Variants in SMURF1 observed in about 807,000 individuals in gnomAD.
The protein encoded by SMURF1 is SMAD specific E3 ubiquitin protein ligase 1, also known as E3 ubiquitin-protein ligase SMURF1.
Under a neutral mutation model 98.0 loss-of-function variants are expected in SMURF1, and 44 were observed. That is an observed-to-expected ratio of 0.45 (90% CI 0.35 to 0.58). The LOEUF (loss-of-function observed/expected upper bound fraction) is 0.58. Among genes scored for constraint, SMURF1 ranks in the 20% least tolerant of loss-of-function variants. SMURF1 has a pLI of 0.00. For synonymous variants in SMURF1, 396 were observed against 374.9 expected, an observed-to-expected ratio of 1.06 and a Z score of -0.65; for missense variants, 687 against 938.4, an observed-to-expected ratio of 0.73 and a Z score of 3.50.
intron 1 of SMURF1, among the ~76,000 whole-genome samples, chr7:99,098,872 A>G (rs1041249414): frequency 6.6e-6 from 1 of 152,186 alleles, no homozygotes; most frequent in Non-Finnish European, 1.5e-5. Context: ...AACAACATTT[A>G]ATAAGCGCTT....
intron 1 of SMURF1, chr7:99,120,591 C>T (rs1201432725): frequency 6.6e-6 from 1 of 151,420 alleles, no homozygotes; most frequent in Non-Finnish European, 1.5e-5. Context: ...AGAGCCAGTC[C>T]TTCCTGCCCT....
At chr7:99,055,607 C>CT (rs1429452602) in intron 5 of SMURF1, among the ~76,000 whole-genome samples, 1 of 152,166 alleles carries the variant, frequency 6.6e-6, no homozygotes, top group African/African-American at 2.4e-5. Context: ...AGTAGCTAGA[C>CT]TACAGGCATG....
At chr7:99,097,685 T>C (rs879631151) in intron 1 of SMURF1, among the ~76,000 whole-genome samples, 2 of 152,172 alleles carry the variant, frequency 1.3e-5, no homozygotes, top group Non-Finnish European at 2.9e-5. Context: ...TATTGTGTTA[T>C]AGCAACACAA....
intron 11 of SMURF1, among the ~76,000 whole-genome samples, chr7:99,042,499 T>C (rs1795424744): frequency 6.6e-6 from 1 of 152,206 alleles, no homozygotes; most frequent in Admixed American, 6.5e-5. Context: ...GGCCTCGAAC[T>C]CCTGACCTCA....
At chr7:99,120,498 TCTCTC>T (rs375533090) in intron 1 of SMURF1, 5 of 149,426 alleles carry the variant, frequency 3.3e-5, no homozygotes, top group African/African-American at 1.2e-4. Context: ...CACCAAATCC[TCTCTC>T]CTGAGTTTTA....
intron 1 of SMURF1, among the ~76,000 whole-genome samples, chr7:99,104,948 T>C (rs1180341213): frequency 6.6e-6 from 1 of 152,234 alleles, no homozygotes; most frequent in Non-Finnish European, 1.5e-5. Context: ...CTGGCTCTTC[T>C]AGGCGCTCCT....
At chr7:99,044,001 TATG>T (rs1795485148) in intron 11 of SMURF1, among the ~76,000 whole-genome samples, 1 of 152,056 alleles carries the variant, frequency 6.6e-6, no homozygotes, top group Non-Finnish European at 1.5e-5. Context: ...TGTCAGAAGG[TATG>T]ATGTGTAACC....
intron 1 of SMURF1, among the ~76,000 whole-genome samples, chr7:99,065,929 G>A (rs907689371): frequency 2.6e-5 from 4 of 151,894 alleles, no homozygotes; most frequent in African/African-American, 9.7e-5. Flanking sequence ...GCCTGTAGTC[G>A]CAGCTACTTG....
chr7:99,110,619 G>A (rs947155467), intron 1 of SMURF1, among the ~76,000 whole-genome samples: 15 of 152,208 alleles, frequency 9.9e-5, no homozygotes, highest in Admixed American at 9.8e-4. Context: ...AAACAGACTG[G>A]AACAAATGCA....
chr7:99,067,940 C>T (rs545267386), intron 1 of SMURF1, among the ~76,000 whole-genome samples: 21 of 152,246 alleles, frequency 1.4e-4, no homozygotes, highest in Non-Finnish European at 2.5e-4. Context: ...GGCGACAGAA[C>T]GAGACTATCC....
chr7:99,033,326 T>A (rs1052686241), intron 16 of SMURF1, among the ~76,000 whole-genome samples: 2 of 152,154 alleles, frequency 1.3e-5, no homozygotes, highest in African/African-American at 2.4e-5. Flanking sequence ...CAGACACTTT[T>A]TTGAGACAGG....
chr7:99,035,120 C>T (rs1409763924), intron 16 of SMURF1, among the ~76,000 whole-genome samples: 4 of 152,220 alleles, frequency 2.6e-5, no homozygotes, highest in South Asian at 2.1e-4. Context: ...GGTGGCTAAA[C>T]GGGTTCATGT....
chr7:99,071,490 ACTCT>A (rs1343853071), intron 1 of SMURF1, among the ~76,000 whole-genome samples: 1 of 152,054 alleles, frequency 6.6e-6, no homozygotes, highest in African/African-American at 2.4e-5. Flanking sequence ...ACTGGGGATC[ACTCT>A]CTATTTTTTA....
At chr7:99,092,096 A>G (rs1796826489) in intron 1 of SMURF1, among the ~76,000 whole-genome samples, 2 of 152,198 alleles carry the variant, frequency 1.3e-5, no homozygotes, top group African/African-American at 4.8e-5. Context: ...TTTCAGGGTT[A>G]TTGCGAGCAA....
In SMURF1 at chr7:99,030,617, G is replaced by A. The variant is rs760407571; in HGVS notation, c.2163C>T (p.Ala721=). 1.9e-5 allele frequency: 31 copies of A among 1,614,054 alleles called. No homozygotes were observed. The highest frequency in any genetic ancestry group is 4.5e-5 in the East Asian group (2 of 44,884). The change falls in exon 18 of 18, where the codon GCC becomes GCT. Residue 721 remains alanine (A), a synonymous_variant. Transcript: ENST00000361368. The stretch of plus-strand genomic sequence containing the variant: ...CAGCAAACCCGCAGGTCTCCTCCAC[G>A]GCTGTCAGCAGCTTCTCGTAGAGCT... The part of the protein sequence containing the change: ...YEKLYEKLLT[A]VEETCGFAVE
intron 1 of SMURF1, among the ~76,000 whole-genome samples, chr7:99,109,167 A>C (rs899487531): frequency 2.6e-5 from 4 of 152,080 alleles, no homozygotes; most frequent in African/African-American, 9.7e-5. Flanking sequence ...AGAAAAAGGG[A>C]CTTCCTTCCT....
intron 17 of SMURF1, 73 bp from the exon 18 acceptor site, chr7:99,030,756 C>A: frequency 1.7e-6 from 2 of 1,154,822 alleles, no homozygotes; most frequent in Non-Finnish European, 1.3e-6. Context: ...CAAGGACAGG[C>A]AGTGAGAAGT....
intron 1 of SMURF1, among the ~76,000 whole-genome samples, chr7:99,067,634 C>G (rs1309157049): frequency 6.6e-6 from 1 of 152,102 alleles, no homozygotes; most frequent in African/African-American, 2.4e-5. Flanking sequence ...GCTTCTTTTA[C>G]CTGGCAAAAG....
At chr7:99,083,180 G>A (rs1796606741) in intron 1 of SMURF1, among the ~76,000 whole-genome samples, 2 of 152,046 alleles carry the variant, frequency 1.3e-5, no homozygotes, top group Admixed American at 1.3e-4. Flanking sequence ...AAAAACCACA[G>A]AATGGTACAT....
Sources: allele counts gnomAD v4.1 joint callset (sites outside exome capture counted in the v4.1 genomes callset), GRCh38; gene constraint gnomAD v4.1.1; transcripts MANE v1.5; gene names NCBI Gene and HGNC (gene_info 2026-07-23, HGNC 2026-07-21).